The following FARS2 variants were observed in gnomAD, a reference collection of about 807,000 sequenced individuals.
FARS2 encodes the protein phenylalanyl-tRNA synthetase 2, mitochondrial.
Under a neutral mutation model 46.4 loss-of-function variants are expected in FARS2, and 40 were observed. The ratio of observed to expected loss-of-function variants is 0.86; its 90% CI spans 0.67 to 1.12. FARS2 has a LOEUF of 1.12. Ranked by LOEUF, FARS2 falls within the 50% of genes most tolerant of loss-of-function variation. The probability of loss-of-function intolerance (pLI) is 0.00; values close to 1 mark genes in which losing one functional copy is unlikely to be tolerated. For missense variants in FARS2, 513 were observed against 567.9 expected, an observed-to-expected ratio of 0.90 and a Z score of 0.98; for synonymous variants, 234 against 214.9, an observed-to-expected ratio of 1.09 and a Z score of -0.78.
intron 6 of FARS2, among the ~76,000 whole-genome samples, chr6:5,731,851 C>G (rs1287862724): frequency 6.6e-6 from 1 of 152,164 alleles, no homozygotes; most frequent in Admixed American, 6.5e-5. Context: ...GGGACCCTTC[C>G]CCCTCTCAGT....
chr6:5,622,190 G>A (rs770198956), intron 6 of FARS2, among the ~76,000 whole-genome samples: 31 of 152,164 alleles, frequency 2.0e-4, no homozygotes, highest in Non-Finnish European at 2.8e-4. Context: ...AGCCCTACTC[G>A]CCAGAGCAGG....
At chr6:5,537,047 TC>T (rs1314815704) in intron 4 of FARS2, among the ~76,000 whole-genome samples, 1 of 152,168 alleles carries the variant, frequency 6.6e-6, no homozygotes, top group Non-Finnish European at 1.5e-5. Flanking sequence ...ACCCTTTTTT[TC>T]TGTGGCTCAG....
At chr6:5,391,210 A>G (rs1342127830) in intron 2 of FARS2, among the ~76,000 whole-genome samples, 1 of 152,264 alleles carries the variant, frequency 6.6e-6, no homozygotes, top group East Asian at 1.9e-4. Context: ...GGAAATAACC[A>G]CAGAGCCTGG....
At chr6:5,549,235 G>C (rs1364836642) in intron 5 of FARS2, among the ~76,000 whole-genome samples, 1 of 151,626 alleles carries the variant, frequency 6.6e-6, no homozygotes, top group South Asian at 2.1e-4. Context: ...ACAACGTGCA[G>C]GTTTGTTACA....
At chr6:5,657,900 A>T (rs1777675965) in intron 6 of FARS2, among the ~76,000 whole-genome samples, 1 of 152,240 alleles carries the variant, frequency 6.6e-6, no homozygotes, top group Non-Finnish European at 1.5e-5. Flanking sequence ...GTTGGTTAGA[A>T]GGTTACTCAA....
intron 1 of FARS2, among the ~76,000 whole-genome samples, chr6:5,357,395 A>G (rs930402139): frequency 1.3e-5 from 2 of 152,228 alleles, no homozygotes; most frequent in African/African-American, 2.4e-5. Flanking sequence ...ACTTGAGGAC[A>G]TACTGTCCCT....
intron 4 of FARS2, among the ~76,000 whole-genome samples, chr6:5,537,888 T>A (rs545240822): frequency 3.3e-5 from 5 of 152,244 alleles, no homozygotes; most frequent in Admixed American, 1.3e-4. Flanking sequence ...CCTTTTTTTT[T>A]AAAGTTTCCC....
intron 6 of FARS2, among the ~76,000 whole-genome samples, chr6:5,700,036 T>C (rs1384357248): frequency 6.6e-6 from 1 of 152,170 alleles, no homozygotes; most frequent in African/African-American, 2.4e-5. Context: ...GCTCTATGCT[T>C]TTATATAATG....
Position 5,539,384 on chromosome 6 carries a change from G to GTGTATATATATATA in FARS2, c.905-5795_905-5794insGTATATATATATAT. On this transcript the variant is annotated intron_variant, in intron 4 of 6. Transcript: ENST00000274680. ...ACCATGCCCACCTAATTTTTTTTGT[G>GTGTATATATATATA]TATATATATATATATGTATATATTT... 1.3e-3 allele frequency among the ~76,000 whole-genome samples: 105 copies of GTGTATATATATATA among 79,570 alleles called. 8 individuals are homozygous for GTGTATATATATATA. Among genetic ancestry groups the GTGTATATATATATA allele is most frequent in the Admixed American group, 6.0e-3 (49 of 8,124 alleles). 52.2% of individuals were successfully genotyped at this position (79,570 alleles called of 152,430 possible).
intron 5 of FARS2, among the ~76,000 whole-genome samples, chr6:5,561,251 T>C (rs1771966696): frequency 6.6e-6 from 1 of 152,190 alleles, no homozygotes; most frequent in African/African-American, 2.4e-5. Context: ...TAATTATTAA[T>C]ATTTTATCAA....
chr6:5,257,706 C>T (rs967249216), upstream of FARS2, among the ~76,000 whole-genome samples: 5 of 152,176 alleles, frequency 3.3e-5, no homozygotes. Context: ...AGGTTGCATG[C>T]TCCTTATGAG....
intron 6 of FARS2, among the ~76,000 whole-genome samples, chr6:5,723,352 T>C (rs1170701731): frequency 6.6e-6 from 1 of 151,872 alleles, no homozygotes; most frequent in Non-Finnish European, 1.5e-5. Flanking sequence ...AAATATCAAG[T>C]GTAGTATCAT....
intron 6 of FARS2, among the ~76,000 whole-genome samples, chr6:5,701,703 A>G (rs531719306): frequency 1.3e-5 from 2 of 152,362 alleles, no homozygotes; most frequent in East Asian, 1.9e-4. Flanking sequence ...AATAGTCATT[A>G]GAATGAACTA....
intron 2 of FARS2, among the ~76,000 whole-genome samples, chr6:5,373,047 G>A (rs1439338483): frequency 6.6e-6 from 1 of 152,060 alleles, no homozygotes; most frequent in African/African-American, 2.4e-5. Context: ...TAGGTGACAA[G>A]TTCTCCCTAA....
intron 4 of FARS2, among the ~76,000 whole-genome samples, chr6:5,500,028 C>G (rs1267747607): frequency 6.6e-6 from 1 of 152,148 alleles, no homozygotes; most frequent in Non-Finnish European, 1.5e-5. Context: ...GCTGAGGTAG[C>G]AATTCTAGGG....
chr6:5,652,727 C>G (rs1777428341), intron 6 of FARS2, among the ~76,000 whole-genome samples: 1 of 152,206 alleles, frequency 6.6e-6, no homozygotes, highest in African/African-American at 2.4e-5. Flanking sequence ...TGAGGCCCAG[C>G]AAATGGCCAG....
chr6:5,741,442 T>C (rs1761332130), intron 6 of FARS2, among the ~76,000 whole-genome samples: 1 of 152,204 alleles, frequency 6.6e-6, no homozygotes, highest in South Asian at 2.1e-4. Context: ...ATCCACACTA[T>C]GTACAGGATT....
At chr6:5,598,818 C>G (rs1166262369) in intron 5 of FARS2, among the ~76,000 whole-genome samples, 2 of 152,070 alleles carry the variant, frequency 1.3e-5, no homozygotes, top group East Asian at 3.8e-4. Flanking sequence ...TCAAGGGGGT[C>G]CAGTCTGTAA....
At chr6:5,312,788 A>G (rs1010969549) in intron 1 of FARS2, among the ~76,000 whole-genome samples, 9 of 152,366 alleles carry the variant, frequency 5.9e-5, no homozygotes, top group African/African-American at 2.2e-4. Context: ...CTGGAGGCAC[A>G]GTGTTGAATA....
Sources: gnomAD v4.1 joint callset for allele counts (sites outside exome capture counted in the v4.1 genomes callset) on GRCh38, gnomAD v4.1.1 for gene constraint, MANE v1.5 for transcripts, NCBI Gene and HGNC (gene_info 2026-07-23, HGNC 2026-07-21) for gene names.